SMARCA1: variants seen among roughly 807,000 people sequenced by gnomAD.
SMARCA1 encodes the protein SNF2 related chromatin remodeling ATPase 1.
Under a neutral mutation model 93.6 loss-of-function variants are expected in SMARCA1, and 17 were observed. The ratio of observed to expected loss-of-function variants is 0.18; its 90% CI spans 0.12 to 0.27. The LOEUF is 0.27. SMARCA1 is among the 10% of genes least tolerant of loss of function. SMARCA1 has a pLI of 1.00. For synonymous variants in SMARCA1, 271 were observed against 271.4 expected (o/e 1.00, Z 0.01); for missense variants, 630 against 819.0 (o/e 0.77, Z 2.82).
intron 19 of SMARCA1, among the ~76,000 whole-genome samples, chrX:129,478,677 G>A (rs748614483): frequency 4.5e-5 from 5 of 112,073 alleles, no homozygotes; most frequent in African/African-American, 1.3e-4. Context: ...AAACCAGACC[G>A]GTGGCCAGAA....
intron 23 of SMARCA1, among the ~76,000 whole-genome samples, chrX:129,452,040 G>T (rs902326878): frequency 1.8e-5 from 2 of 111,534 alleles, no homozygotes; most frequent in Non-Finnish European, 1.9e-5. Context: ...ACTGCCTAAC[G>T]CAACATAAGT....
intron 23 of SMARCA1, among the ~76,000 whole-genome samples, chrX:129,449,179 A>G (rs1195878947): frequency 1.8e-5 from 2 of 111,954 alleles, no homozygotes; most frequent in African/African-American, 6.5e-5. Context: ...TTCAAAATAA[A>G]AAGTTAACAT....
chrX:129,501,428 T>C lies in SMARCA1; in HGVS notation c.1168-1587A>G, dbSNP rs368039566. On this transcript the variant is annotated intron_variant, in intron 9 of 24. Transcript: ENST00000371121. The stretch of plus-strand genomic sequence containing the variant: ...CTCCTGCCTTAGCCTCCCAAGTAGC[T>C]GGGACTACAGGCGCACGCCACCACG... Among the ~76,000 whole-genome samples the C allele has an allele frequency of 9.1e-5, 10 of 109,312 alleles. 1 individual carries two copies. In the East Asian group the frequency reaches 1.7e-3, roughly 19 times the overall value. 94.9% of individuals were successfully genotyped at this position (109,312 alleles called of 115,157 possible). A position where few individuals can be genotyped will look rare whatever the true frequency, so the allele number is the denominator to read the frequency against.
intron 9 of SMARCA1, among the ~76,000 whole-genome samples, chrX:129,501,299 C>CTT (rs67871991): frequency 9.9e-6 from 1 of 100,923 alleles, no homozygotes. Context: ...ATATACCAAA[C>CTT]TTTTTTTTTT....
intron 23 of SMARCA1, among the ~76,000 whole-genome samples, chrX:129,450,409 C>T (rs1452673665): frequency 2.7e-5 from 3 of 112,089 alleles, no homozygotes; most frequent in Non-Finnish European, 5.6e-5. Context: ...ATTCCTGTTG[C>T]TTAAGCCACT....
intron 7 of SMARCA1, among the ~76,000 whole-genome samples, chrX:129,506,616 G>C (rs1569447065): frequency 9.5e-6 from 1 of 104,904 alleles, no homozygotes; most frequent in Non-Finnish European, 1.9e-5. Context: ...TTTCAATCCA[G>C]GAGGCGGAAG....
intron 23 of SMARCA1, among the ~76,000 whole-genome samples, chrX:129,452,099 C>T (rs1203905494): frequency 8.9e-6 from 1 of 112,386 alleles, no homozygotes; most frequent in East Asian, 2.8e-4. Context: ...AGGAGAAAGG[C>T]TAGATTACCA....
At chrX:129,497,612 C>T (rs1168821575) in intron 11 of SMARCA1, among the ~76,000 whole-genome samples, 1 of 111,640 alleles carries the variant, frequency 9.0e-6, no homozygotes, top group Non-Finnish European at 1.9e-5. Context: ...TATCATAGCA[C>T]TTATCACAAT....
At chrX:129,500,665 A>G (rs894955426) in intron 9 of SMARCA1, among the ~76,000 whole-genome samples, 9 of 112,495 alleles carry the variant, frequency 8.0e-5, no homozygotes, top group Non-Finnish European at 1.5e-4. Context: ...ACAAACCTAC[A>G]TGGTATATGT....
At position 129,518,422 on chromosome X, in the gene SMARCA1, T is replaced by C. The variant is rs756991372; in HGVS notation, c.200A>G (p.Lys67Arg). The C allele has an allele frequency of 8.4e-7, 1 of 1,188,277 alleles. No individual in the cohort carries two copies. Among genetic ancestry groups the C allele is most frequent in the South Asian group, 1.9e-5 (1 of 53,101 alleles). ...AGATTTAGGCGCTTTAGCAGCAAGT[T>C]TGAGTTGAAATGAAGAAACGTTTTT... ...KEKNVSSFQL[K>R]LAAKAPKSEK... is the part of the protein sequence containing the mutation. The change falls in exon 2 of 25, where the codon AAA (lysine) becomes AGA (arginine). Residue 67 changes from lysine to arginine, a missense_variant. Lys to Arg is a conservative substitution (Grantham distance 26). Coordinates refer to ENST00000371121, the MANE Select transcript of SMARCA1 (RefSeq NM_001282874.2).
chrX:129,454,132 A>G (rs1290603105), intron 23 of SMARCA1, among the ~76,000 whole-genome samples: 1 of 111,822 alleles, frequency 8.9e-6, no homozygotes. Flanking sequence ...CTCAGAAATA[A>G]CACCACACAT....
chrX:129,521,525 C>T (rs1935394892), intron 1 of SMARCA1, among the ~76,000 whole-genome samples: 1 of 112,036 alleles, frequency 8.9e-6, no homozygotes, highest in Admixed American at 9.4e-5. Flanking sequence ...AATATGTAGG[C>T]ATCAACTCAG....
intron 23 of SMARCA1, among the ~76,000 whole-genome samples, chrX:129,459,545 G>A (rs1197867507): frequency 8.9e-6 from 1 of 112,588 alleles, no homozygotes; most frequent in African/African-American, 3.2e-5. Context: ...ACAGTTCAAG[G>A]TACCAAATCG....
At position 129,454,350 on chromosome X, in the gene SMARCA1, C is replaced by T. The variant is rs1932482402; in HGVS notation, c.3031-5907G>A. 2.7e-5 allele frequency among the ~76,000 whole-genome samples: 3 copies of T among 112,264 alleles called. No individual in the cohort carries two copies. The South Asian group carries it at 1.1e-3, about 41-fold the overall frequency. ...AAACCATAAAAACCTTACAAGAAAA[C>T]CTAGGCAATACCATTCAGGACACAG... On this transcript the variant is annotated intron_variant, in intron 23 of 24. Coordinates refer to ENST00000371121, the MANE Select transcript of SMARCA1 (RefSeq NM_001282874.2).
chrX:129,514,866 G>A (rs997939236), intron 5 of SMARCA1, among the ~76,000 whole-genome samples: 1 of 110,199 alleles, frequency 9.1e-6, no homozygotes, highest in Non-Finnish European at 1.9e-5. Flanking sequence ...TGGCCAAAAC[G>A]GTGAAACCCC....
At chrX:129,448,036 A>G (rs1308875644) in intron 24 of SMARCA1, among the ~76,000 whole-genome samples, 1 of 85,549 alleles carries the variant, frequency 1.2e-5, no homozygotes, top group Non-Finnish European at 2.2e-5. Context: ...TGCTACCCCC[A>G]TGATAGCTCT....
At chrX:129,494,827 A>G (rs958048072) in intron 12 of SMARCA1, among the ~76,000 whole-genome samples, 2 of 112,558 alleles carry the variant, frequency 1.8e-5, no homozygotes, top group East Asian at 5.5e-4. Context: ...AAAGTGGTGA[A>G]GTTGGTGCTA....
chrX:129,469,221 C>T (rs771322428), intron 20 of SMARCA1, among the ~76,000 whole-genome samples: 1 of 110,973 alleles, frequency 9.0e-6, no homozygotes, highest in Non-Finnish European at 1.9e-5. Flanking sequence ...ATGCTGAAGT[C>T]GTGATATTCT....
intron 19 of SMARCA1, among the ~76,000 whole-genome samples, chrX:129,475,003 G>A (rs193059343): frequency 5.4e-5 from 6 of 110,554 alleles, no homozygotes; most frequent in South Asian, 4.0e-4. Flanking sequence ...TGAGGCCCCC[G>A]AGTCATGTGG....
Sources: gnomAD v4.1 joint callset for allele counts (sites outside exome capture counted in the v4.1 genomes callset) on GRCh38, gnomAD v4.1.1 for gene constraint, MANE v1.5 for transcripts, NCBI Gene and HGNC (gene_info 2026-07-23, HGNC 2026-07-21) for gene names.